Variants in FUCA2 observed in about 807,000 individuals in gnomAD.
FUCA2 encodes alpha-L-fucosidase 2.
Under a neutral mutation model 52.6 loss-of-function variants are expected in FUCA2, and 41 were observed. The observed-to-expected ratio is 0.78, with a 90% CI of 0.61 to 1.01. The LOEUF (loss-of-function observed/expected upper bound fraction) is 1.01, where lower values mean the gene tolerates loss of function less well. FUCA2 is among the 50% of genes least tolerant of loss of function. The probability of loss-of-function intolerance (pLI) is 0.00; values close to 1 mark genes in which losing one functional copy is unlikely to be tolerated. For missense variants in FUCA2, 507 were observed against 569.5 expected (o/e 0.89, Z 1.12); for synonymous variants, 211 against 217.3 (o/e 0.97, Z 0.26).
In FUCA2 at chr6:143,503,171, C is replaced by A. The variant is rs982450963; in HGVS notation, c.753-606G>T. On this transcript the variant is annotated intron_variant, in intron 3 of 6. Coordinates refer to ENST00000002165, the MANE Select transcript of FUCA2 (RefSeq NM_032020.5). The surrounding 1 kb of genome is among the most constrained non-coding windows in gnomAD (Gnocchi z 4.8). The stretch of plus-strand genomic sequence containing the variant: ...AGTCACAAATTGAAGTGATGGCTCC[C>A]AGTTTTTTCCCTTGGAAGGAGTACC... 2.0e-5 allele frequency: 3 copies of A among 152,662 alleles called. No homozygotes were observed. Among genetic ancestry groups the A allele is most frequent in the Non-Finnish European group, 2.9e-5 (2 of 68,436 alleles). The allele number at this position is 152,662 out of a possible 1,614,324, so 9.5% of individuals were successfully genotyped here. A position where few individuals can be genotyped will look rare whatever the true frequency, so the allele number is the denominator to read the frequency against.
In FUCA2 at chr6:143,507,446, G is replaced by A. The variant is rs376875555; in HGVS notation, c.225-22C>T. On this transcript the variant is annotated intron_variant, in intron 1 of 6. Coordinates refer to ENST00000002165, the MANE Select transcript of FUCA2 (RefSeq NM_032020.5). This position sits in a 1 kb window ranked among gnomAD's most constrained non-coding sequence, Gnocchi z 4.5. ...CCACCTAAGGGGAGGAAAGGAAAGA[G>A]TGCATAAACAGCACATACACACATA... 2.1e-4 allele frequency: 324 copies of A among 1,542,254 alleles called. No homozygotes were observed. The highest frequency in any genetic ancestry group is 2.7e-4 in the Non-Finnish European group (304 of 1,142,716).
At position 143,507,298 on chromosome 6, in the gene FUCA2, C is replaced by T. The variant is rs1444910961; in HGVS notation, c.351G>A (p.Trp117Ter). 6.2e-7 allele frequency: 1 copy of T among 1,606,458 alleles called. No homozygotes were observed. The highest frequency in any genetic ancestry group is 2.3e-5 in the East Asian group (1 of 44,184). Residue 117 changes from tryptophan to a stop codon, truncating the protein, a stop_gained, in exon 2 of 7, where the codon TGG (tryptophan) becomes TGA (stop). Coordinates refer to ENST00000002165, the MANE Select transcript of FUCA2 (RefSeq NM_032020.5). LOFTEE classifies it high-confidence loss of function. The surrounding 1 kb of genome is among the most constrained non-coding windows in gnomAD (Gnocchi z 4.5). ...FTAKFFNANQ[W>*]ADIFQASGAK... ...CACCAGAGGCCTGAAAAATATCTGC[C>T]CACTGGTTGGCATTAAAAAATTTTG...
chr6:143,496,304 A>C (rs1296826465), intron 6 of FUCA2: 1 of 152,914 alleles, frequency 6.5e-6, no homozygotes, highest in African/African-American at 2.4e-5. Context: ...AAGCAAATTC[A>C]AATAAGTTCC....
rs142018947 is a variant in FUCA2, at chr6:143,510,146, GACCCAGC to G, written c.224+1258_224+1264del. ...TCACACAATGTCAATTTAATTCTTG[GACCCAGC>G]AGAGACCCTAACAGAATGGAGGTGT... is the stretch of plus-strand genomic sequence containing the variant. On this transcript the variant is annotated intron_variant, in intron 1 of 6. Coordinates refer to ENST00000002165, the MANE Select transcript of FUCA2 (RefSeq NM_032020.5). This position sits in a 1 kb window ranked among gnomAD's most constrained non-coding sequence, Gnocchi z 4.4. 0.039 allele frequency among the ~76,000 whole-genome samples: 5,968 copies of G among 152,042 alleles called. 374 individuals are homozygous for G. The highest frequency in any genetic ancestry group is 0.13 in the African/African-American group (5,570 of 41,424).
chr6:143,511,527 G>A lies in FUCA2; in HGVS notation c.108C>T (p.Pro36=), dbSNP rs1311879116. The part of the protein sequence containing the change: ...CPAHSATRFD[P]TWESLDARQL... ...GGCGGGCGTCCAGGGACTCCCAGGT[G>A]GGGTCGAAGCGCGTGGCGCTGTGGG... The change falls in exon 1 of 7, where the codon CCC becomes CCT. Residue 36 remains proline (P), a synonymous_variant. Transcript: ENST00000002165. The surrounding 1 kb of genome is among the most constrained non-coding windows in gnomAD (Gnocchi z 6.3). 4 of 1,589,448 alleles carry A rather than the reference G, an allele frequency of 2.5e-6. No homozygotes were observed. The South Asian group carries it at 4.6e-5, about 18-fold the overall frequency.
rs935542589 is a variant in FUCA2 at position 143,502,066 on chromosome 6, T to C, written c.1020A>G (p.Thr340=). The change falls in exon 5 of 7, where the codon ACA becomes ACG. Residue 340 remains threonine, a synonymous_variant. Coordinates refer to ENST00000002165, the MANE Select transcript of FUCA2 (RefSeq NM_032020.5). The surrounding 1 kb of genome is among the most constrained non-coding windows in gnomAD (Gnocchi z 4.1). ...GGNLLMNIGP[T]LDGTISVVFE... ...AAACTACAGAAATGGTGCCATCTAG[T>C]GTGGGCCCAATATTCATCAAAAGAT... 6.2e-7 allele frequency: 1 copy of C among 1,613,648 alleles called. No individual in the cohort carries two copies. Among genetic ancestry groups the C allele is most frequent in the African/African-American group, 1.3e-5 (1 of 74,894 alleles).
Position 143,502,398 on chromosome 6 carries a change from TC to T in FUCA2, c.919del (p.Glu307LysfsTer14). 6.2e-7 allele frequency: 1 copy of T among 1,614,032 alleles called. No individual in the cohort carries two copies. Among genetic ancestry groups the T allele is most frequent in the Non-Finnish European group, 8.5e-7 (1 of 1,179,968 alleles). On this transcript the variant is annotated frameshift_variant, in exon 4 of 7. Transcript: ENST00000002165. LOFTEE classifies it high-confidence loss of function. The surrounding 1 kb of genome is among the most constrained non-coding windows in gnomAD (Gnocchi z 4.1). ...IDKLSWGYRR[E>X]AGISDYLTIE... ...TGTAAGATAGTCAGAGATTCCAGCT[TC>T]CCTCCTATAGCCCCAGGACAGTTTG...
chr6:143,511,309 T>G lies in FUCA2; in HGVS notation c.224+102A>C. 9.3e-7 allele frequency: 1 copy of G among 1,079,510 alleles called. No homozygotes were observed. The highest frequency in any genetic ancestry group is 1.3e-6 in the Non-Finnish European group (1 of 762,926). The allele number at this position is 1,079,510 out of a possible 1,614,324, so 66.9% of individuals were successfully genotyped here. ...CAGTGGGAGGTGAAACCGACGAGGG[T>G]GCAGGCAGCACCAGGCGGCGAACCA... On this transcript the variant is annotated intron_variant, in intron 1 of 6. Coordinates refer to ENST00000002165, the MANE Select transcript of FUCA2 (RefSeq NM_032020.5). The surrounding 1 kb of genome is among the most constrained non-coding windows in gnomAD (Gnocchi z 6.3).
chr6:143,495,904 C>A lies in FUCA2; in HGVS notation c.1264-57G>T. ...CAAATTTATCTCTTTATCTCACCCA[C>A]TTTCTATTGGGAAGGAGTGATTAGT... On this transcript the variant is annotated intron_variant, in intron 6 of 6. Transcript: ENST00000002165. The surrounding 1 kb of genome is among the most constrained non-coding windows in gnomAD (Gnocchi z 5.2). The A allele has an allele frequency of 6.4e-7, 1 of 1,574,052 alleles. No individual in the cohort carries two copies. Among genetic ancestry groups the A allele is most frequent in the Non-Finnish European group, 8.7e-7 (1 of 1,151,080 alleles).
rs967944168 is a variant in FUCA2, at chr6:143,500,300, T to C, written c.1154+1632A>G. Among the ~76,000 whole-genome samples, 1 of 152,142 alleles carries C rather than the reference T, an allele frequency of 6.6e-6. No homozygotes were observed. The highest frequency in any genetic ancestry group is 1.5e-5 in the Non-Finnish European group (1 of 68,024). On this transcript the variant is annotated intron_variant, in intron 5 of 6. Coordinates refer to ENST00000002165, the MANE Select transcript of FUCA2 (RefSeq NM_032020.5). The surrounding 1 kb of genome is among the most constrained non-coding windows in gnomAD (Gnocchi z 6.9). ...GTATGATCACTGGATTATAGATCCC[T>C]TTGGAAGCCGAAGTGCCATGCAGAG...
chr6:143,504,094 A>G lies in FUCA2; in HGVS notation c.571T>C (p.Phe191Leu), dbSNP rs1562665414. 1 of 1,614,212 alleles carries G rather than the reference A, an allele frequency of 6.2e-7. No individual in the cohort carries two copies. Among genetic ancestry groups the G allele is most frequent in the East Asian group, 2.2e-5 (1 of 44,890 alleles). Residue 191 changes from phenylalanine to leucine, a missense_variant, in exon 3 of 7, where the codon TTC (phenylalanine) becomes CTC (leucine). Transcript: ENST00000002165. The surrounding 1 kb of genome is among the most constrained non-coding windows in gnomAD (Gnocchi z 4.4). ...AATGAACTGGATTCATCCTCAAGGA[A>G]GAGCGGATGAAACCATTCAAAAAGG... ...YSLFEWFHPLFLEDESSSFHK... is the reference protein window; with the variant it reads ...YSLFEWFHPLLLEDESSSFHK...
chr6:143,504,176 C>T lies in FUCA2; in HGVS notation c.489G>A (p.Lys163=), dbSNP rs769876428. Residue 163 remains lysine, a synonymous_variant, in exon 3 of 7, where the codon AAG becomes AAA. Transcript: ENST00000002165. The surrounding 1 kb of genome is among the most constrained non-coding windows in gnomAD (Gnocchi z 4.4). ...TGTTCCTAATGGCTACCTCAAGTTC[C>T]TTGACAATGTCCCTCTTGGGCCCCT... ...IDEGPKRDIV[K]ELEVAIRNRT... is the part of the protein sequence containing the mutation. The T allele has an allele frequency of 5.6e-6, 9 of 1,614,180 alleles. No homozygotes were observed. The Admixed American group carries it at 1.5e-4, about 27-fold the overall frequency.
rs1780476296 is a variant in FUCA2, at chr6:143,497,633, A to G, written c.1155-136T>C. On this transcript the variant is annotated intron_variant, in intron 5 of 6. Coordinates refer to ENST00000002165, the MANE Select transcript of FUCA2 (RefSeq NM_032020.5). The surrounding 1 kb of genome is among the most constrained non-coding windows in gnomAD (Gnocchi z 5.3). ...CACCACTAATAGAAGGGAAGGAAAA[A>G]TAGCCTCATGGTGGTATAAAAAAAC... The G allele has an allele frequency of 5.3e-6, 3 of 565,498 alleles. No individual in the cohort carries two copies. The South Asian group carries it at 6.9e-5, about 13-fold the overall frequency. The allele number at this position is 565,498 out of a possible 1,614,324, so 35.0% of individuals were successfully genotyped here.
At position 143,511,612 on chromosome 6, in the gene FUCA2, C is replaced by G. The variant is rs1220561868; in HGVS notation, c.23G>C (p.Arg8Thr). MRPQELP[R>T]LAFPLLLLLL... ...CAACAGCAGCAACGGGAACGCGAGC[C>G]TGGGGAGCTCCTGGGGCCGCATGTC... Residue 8 changes from arginine to threonine, a missense_variant, in exon 1 of 7, where the codon AGG becomes ACG. Arg to Thr is a moderately conservative substitution (Grantham distance 71). Coordinates refer to ENST00000002165, the MANE Select transcript of FUCA2 (RefSeq NM_032020.5). The surrounding 1 kb of genome is among the most constrained non-coding windows in gnomAD (Gnocchi z 6.3). 1.3e-6 allele frequency: 2 copies of G among 1,540,020 alleles called. No individual in the cohort carries two copies. Among genetic ancestry groups the G allele is most frequent in the Non-Finnish European group, 1.8e-6 (2 of 1,142,072 alleles).
At position 143,502,533 on chromosome 6, in the gene FUCA2, C is replaced by T. The variant is rs771445547; in HGVS notation, c.785G>A (p.Arg262His). The change falls in exon 4 of 7, where the codon CGT becomes CAT. Residue 262 changes from arginine to histidine, a missense_variant. Physicochemically the swap from Arg to His is conservative, Grantham distance 29 (BLOSUM62 0). Transcript: ENST00000002165. The surrounding 1 kb of genome is among the most constrained non-coding windows in gnomAD (Gnocchi z 4.1). Reference sequence around the variant, plus strand: ...CTTACAGATGCTACCAGCTCCCCAACGATCATTGGTGACTACTGTGCCCCG... The same window carrying T: ...CTTACAGATGCTACCAGCTCCCCAATGATCATTGGTGACTACTGTGCCCCG... The part of the protein sequence containing the change: ...PVRGTVVTND[R>H]WGAGSICKHG... 12 of 1,613,948 alleles carry T rather than the reference C, an allele frequency of 7.4e-6. No homozygotes were observed. The highest frequency in any genetic ancestry group is 1.7e-5 in the Admixed American group (1 of 59,996).
Position 143,497,338 on chromosome 6 carries a change from C to T in FUCA2, c.1263+51G>A, listed in dbSNP as rs748348067. 2.6e-6 allele frequency: 3 copies of T among 1,152,722 alleles called. No homozygotes were observed. The highest frequency in any genetic ancestry group is 2.6e-6 in the Non-Finnish European group (2 of 760,350). 71.4% of individuals were successfully genotyped at this position (1,152,722 alleles called of 1,614,324 possible). On this transcript the variant is annotated intron_variant, in intron 6 of 6. Transcript: ENST00000002165. This position sits in a 1 kb window ranked among gnomAD's most constrained non-coding sequence, Gnocchi z 5.3. Reference sequence around the variant, plus strand: ...TCCCCTTAAAAGTTAATGTTTGCATCAAGATGTTCTAATCAGCAATTTAAA... The same window carrying T: ...TCCCCTTAAAAGTTAATGTTTGCATTAAGATGTTCTAATCAGCAATTTAAA...
In FUCA2 at chr6:143,503,909, A is replaced by G. The variant is rs373801042; in HGVS notation, c.752+4T>C. ...TAACTGCAGCAATCTCATAGCATAC[A>G]CACCTTTCATTATATAACCAGGCCA... On this transcript the variant is annotated splice_donor_region_variant and intron_variant, in intron 3 of 6. Coordinates refer to ENST00000002165, the MANE Select transcript of FUCA2 (RefSeq NM_032020.5). This position sits in a 1 kb window ranked among gnomAD's most constrained non-coding sequence, Gnocchi z 4.8. The G allele has an allele frequency of 3.6e-5, 57 of 1,605,328 alleles. No individual in the cohort carries two copies. Among genetic ancestry groups the G allele is most frequent in the Non-Finnish European group, 4.5e-5 (53 of 1,173,908 alleles).
chr6:143,505,046 T>G (rs1376797087), intron 2 of FUCA2: 1 of 152,208 alleles, frequency 6.6e-6, no homozygotes, highest in Non-Finnish European at 1.5e-5. Context: ...TAGAAGTGGT[T>G]CGTTTTTAAG....
chr6:143,499,642 A>C lies in FUCA2; in HGVS notation c.1155-2145T>G, dbSNP rs9390095. Among the ~76,000 whole-genome samples, 72,691 of 152,036 alleles carry C rather than the reference A, an allele frequency of 0.48. 19,068 individuals carry two copies. Among genetic ancestry groups the C allele is most frequent in the African/African-American group, 0.69 (28,630 of 41,456 alleles). On this transcript the variant is annotated intron_variant, in intron 5 of 6. Coordinates refer to ENST00000002165, the MANE Select transcript of FUCA2 (RefSeq NM_032020.5). This position sits in a 1 kb window ranked among gnomAD's most constrained non-coding sequence, Gnocchi z 6.0. ...GAACTAACTAAGAAGGAAGAGCCAA[A>C]AGGTACGACAAACACCAGGAGAGAC...
Sources: gnomAD v4.1 joint callset for allele counts (sites outside exome capture counted in the v4.1 genomes callset) on GRCh38, gnomAD v4.1.1 for gene constraint, Gnocchi (gnomAD v3.1) non-coding constraint, MANE v1.5 for transcripts, NCBI Gene and HGNC (gene_info 2026-07-23, HGNC 2026-07-21) for gene names.